Variants in AFF3 observed in about 807,000 individuals in gnomAD.
AFF3 encodes ALF transcription elongation factor 3, also known as AF4/FMR2 family member 3.
In AFF3, 32 loss-of-function variants were observed where a neutral mutation model predicts 129.7. The observed-to-expected ratio is 0.25, with a 90% CI of 0.19 to 0.33. The LOEUF (loss-of-function observed/expected upper bound fraction) is 0.33, where lower values mean the gene tolerates loss of function less well. Ranked by LOEUF, AFF3 falls within the 10% of genes least tolerant of loss-of-function variation. AFF3 has a pLI of 1.00. For missense variants in AFF3, 1,373 were observed against 1,592.0 expected, an observed-to-expected ratio of 0.86 and a Z score of 2.34; for synonymous variants, 644 against 635.4, an observed-to-expected ratio of 1.01 and a Z score of -0.20.
chr2:99,547,011 A>C lies in AFF3; in HGVS notation c.*4463T>G, dbSNP rs973360903. ...ATGTATCAGGAAATAGCAAAGACAAATAGTAAACTATAGTTATAATGAAGA... is the reference window on the plus strand; with the variant it reads ...ATGTATCAGGAAATAGCAAAGACAACTAGTAAACTATAGTTATAATGAAGA... On this transcript the variant is annotated 3_prime_UTR_variant, in exon 25 of 25. Transcript: ENST00000672756. 4.6e-6 allele frequency: 1 copy of C among 218,582 alleles called. No homozygotes were observed. Among genetic ancestry groups the C allele is most frequent in the African/African-American group, 2.2e-5 (1 of 44,516 alleles). The allele number at this position is 218,582 out of a possible 1,614,324, so 13.5% of individuals were successfully genotyped here.
chr2:99,892,341 C>A (rs538201151), intron 7 of AFF3, among the ~76,000 whole-genome samples: 2 of 151,924 alleles, frequency 1.3e-5, no homozygotes, highest in South Asian at 4.2e-4. Flanking sequence ...GATTTTTTCC[C>A]ACATTCTAAG....
chr2:99,554,500 G>C lies in AFF3; in HGVS notation c.3370C>G (p.Pro1124Ala), dbSNP rs1159500899. Residue 1124 changes from proline (P) to alanine (A), a missense_variant, in exon 24 of 25, where the codon CCC becomes GCC. Around this residue, in one of 9 missense-constraint regions of AFF3, gnomAD observed 165 missense variants for 234.0 expected, o/e 0.71. Coordinates refer to ENST00000672756, the MANE Select transcript of AFF3 (RefSeq NM_001386135.1). ...GACCCCACGGAGCTGGCGGGAGAGG[G>C]GTTGGGAGACATGGGGGATGGGGTT... ...TGTPSPMSPN[P>A]SPASSVGSQG... 6.2e-7 allele frequency: 1 copy of C among 1,613,730 alleles called. No individual in the cohort carries two copies. The highest frequency in any genetic ancestry group is 8.5e-7 in the Non-Finnish European group (1 of 1,180,016).
At position 100,012,819 on chromosome 2, in the gene AFF3, C is replaced by T. The variant is rs147390482; in HGVS notation, c.54-3887G>A. ...CCGGCATGCCAACATATACATTAAA[C>T]TCAAAATGTGTTGCACGTTATGAGT... On this transcript the variant is annotated intron_variant, in intron 4 of 24. Coordinates refer to ENST00000672756, the MANE Select transcript of AFF3 (RefSeq NM_001386135.1). Among the ~76,000 whole-genome samples the T allele has an allele frequency of 2.8e-4, 43 of 152,270 alleles. No homozygotes were observed. In the East Asian group the frequency reaches 8.3e-3, roughly 29 times the overall value.
chr2:99,586,567 T>A (rs1441651827), intron 16 of AFF3, among the ~76,000 whole-genome samples: 1 of 152,224 alleles, frequency 6.6e-6, no homozygotes, highest in Non-Finnish European at 1.5e-5. Flanking sequence ...CGACTGATGA[T>A]AAGCTACTTG....
intron 8 of AFF3, among the ~76,000 whole-genome samples, chr2:99,775,652 C>T (rs908001209): frequency 6.6e-6 from 1 of 151,698 alleles, no homozygotes; most frequent in Non-Finnish European, 1.5e-5. Flanking sequence ...AGCAAACTCG[C>T]ACATCCTGCA....
chr2:100,016,620 AT>A (rs1683118006), intron 4 of AFF3, among the ~76,000 whole-genome samples: 1 of 64,402 alleles, frequency 1.6e-5, no homozygotes, highest in African/African-American at 6.9e-5. Flanking sequence ...GGTAATGGTG[AT>A]GGTGGTGGTG....
intron 4 of AFF3, among the ~76,000 whole-genome samples, chr2:100,019,174 G>A (rs1255308745): frequency 2.0e-5 from 3 of 152,064 alleles, no homozygotes; most frequent in Admixed American, 6.5e-5. Context: ...AGAAAGCCCA[G>A]AGACCCTCAA....
intron 7 of AFF3, among the ~76,000 whole-genome samples, chr2:99,999,295 C>T (rs1360093848): frequency 6.6e-6 from 1 of 152,210 alleles, no homozygotes; most frequent in African/African-American, 2.4e-5. Context: ...AAGTGTTTGG[C>T]TCCTCTCTTC....
At chr2:99,993,840 T>C (rs2104612477) in intron 7 of AFF3, among the ~76,000 whole-genome samples, 1 of 143,644 alleles carries the variant, frequency 7.0e-6, no homozygotes, top group East Asian at 2.2e-4. Context: ...AGTTTCAATC[T>C]TGTTGCCCAG....
At chr2:99,726,279 C>T (rs1453027739) in intron 11 of AFF3, among the ~76,000 whole-genome samples, 1 of 152,144 alleles carries the variant, frequency 6.6e-6, no homozygotes, top group Non-Finnish European at 1.5e-5. Context: ...TTCCAATCAA[C>T]AGCACTTAAA....
chr2:99,672,176 TCTCACACA>T (rs1412858503), intron 12 of AFF3, among the ~76,000 whole-genome samples: 670 of 37,272 alleles, frequency 0.018, 3 homozygotes, highest in South Asian at 0.025. Context: ...CCAGTTAGCT[TCTCACACA>T]CACACACACA....
chr2:99,871,592 A>G (rs1461218365), intron 7 of AFF3, among the ~76,000 whole-genome samples: 6 of 151,146 alleles, frequency 4.0e-5, no homozygotes, highest in Admixed American at 3.3e-4. Context: ...TATTGTGAAC[A>G]TTGTTACTAC....
intron 4 of AFF3, among the ~76,000 whole-genome samples, chr2:100,101,560 TATTTTCAA>T (rs1690729811): frequency 7.1e-6 from 1 of 141,778 alleles, no homozygotes; most frequent in Non-Finnish European, 1.5e-5. Context: ...TATGGTAGTT[TATTTTCAA>T]ATTTTTAATT....
chr2:100,110,533 A>G (rs556446848), intron 2 of AFF3, among the ~76,000 whole-genome samples: 1 of 152,240 alleles, frequency 6.6e-6, no homozygotes, highest in Non-Finnish European at 1.5e-5. Context: ...AAATGCAGCA[A>G]TTATGGCTTA....
At chr2:99,759,235 C>T (rs1181845396) in intron 8 of AFF3, among the ~76,000 whole-genome samples, 1 of 152,220 alleles carries the variant, frequency 6.6e-6, no homozygotes, top group African/African-American at 2.4e-5. Flanking sequence ...CTTCAATCTA[C>T]ACCCAACCAT....
intron 18 of AFF3, among the ~76,000 whole-genome samples, chr2:99,571,572 C>CGTATAGCT (rs1419854119): frequency 1.3e-5 from 2 of 152,112 alleles, no homozygotes; most frequent in African/African-American, 4.8e-5. Context: ...ATTTTCTGAC[C>CGTATAGCT]GTATCAGAGC....
Position 99,659,513 on chromosome 2 carries a change from C to T in AFF3, c.1144-9847G>A, listed in dbSNP as rs925375716. Among the ~76,000 whole-genome samples, 8 of 152,284 alleles carry T rather than the reference C, an allele frequency of 5.3e-5. 1 individual carries two copies. In the Middle Eastern group the frequency reaches 0.017, roughly 324 times the overall value. ...AGTGATTTATCTTCTGGACAGCTGC[C>T]TTGGCTTCCAGATCTCACTAGAATG... On this transcript the variant is annotated intron_variant, in intron 12 of 24. Coordinates refer to ENST00000672756, the MANE Select transcript of AFF3 (RefSeq NM_001386135.1).
At position 100,100,817 on chromosome 2, in the gene AFF3, A is replaced by C. The variant is rs549841228; in HGVS notation, c.53+3585T>G. On this transcript the variant is annotated intron_variant, in intron 4 of 24. Transcript: ENST00000672756. ...TTTTAAAGGCCCTGAGGAATGGCTTATATGTCTAGCACCTAATCAAAAGCT... is the reference window on the plus strand; with the variant it reads ...TTTTAAAGGCCCTGAGGAATGGCTTCTATGTCTAGCACCTAATCAAAAGCT... Among the ~76,000 whole-genome samples the C allele has an allele frequency of 1.9e-3, 285 of 151,966 alleles. 1 individual carries two copies. The highest frequency in any genetic ancestry group is 3.9e-3 in the South Asian group (19 of 4,828).
rs1450960588 is a variant in AFF3, at chr2:99,548,252, C to T, written c.*3222G>A. ...AAATGTACGTCTTCAAATAAAAAGA[C>T]ATGGTAATAAAAATTATTTGCTTAA... is the stretch of plus-strand genomic sequence containing the variant. On this transcript the variant is annotated 3_prime_UTR_variant, in exon 25 of 25. Coordinates refer to ENST00000672756, the MANE Select transcript of AFF3 (RefSeq NM_001386135.1). The T allele has an allele frequency of 5.1e-6, 1 of 197,792 alleles. No individual in the cohort carries two copies. Among genetic ancestry groups the T allele is most frequent in the African/African-American group, 2.3e-5 (1 of 43,388 alleles). The allele number at this position is 197,792 out of a possible 1,614,324, so 12.3% of individuals were successfully genotyped here.
Sources: gnomAD v4.1 joint callset for allele counts (sites outside exome capture counted in the v4.1 genomes callset) on GRCh38, gnomAD v4.1.1 for gene constraint, gnomAD v4.1.1 regional missense constraint, MANE v1.5 for transcripts, NCBI Gene and HGNC (gene_info 2026-07-23, HGNC 2026-07-21) for gene names.